Variants in PDE4D observed in about 807,000 individuals in gnomAD.
PDE4D encodes 3',5'-cyclic-AMP phosphodiesterase 4D.
Under a neutral mutation model 87.4 loss-of-function variants are expected in PDE4D, and 24 were observed. The observed-to-expected ratio is 0.27, with a 90% confidence interval of 0.20 to 0.39. PDE4D has a LOEUF of 0.39. PDE4D is among the 10% of genes least tolerant of loss of function. The probability of loss-of-function intolerance (pLI) is 1.00; values close to 1 mark genes in which losing one functional copy is unlikely to be tolerated. For missense variants in PDE4D, 714 were observed against 1,041.0 expected (o/e 0.69, Z 4.32); for synonymous variants, 384 against 383.2 (o/e 1.00, Z -0.02).
intron 6 of PDE4D, among the ~76,000 whole-genome samples, chr5:59,036,217 C>T (rs1047964049): frequency 1.3e-5 from 2 of 152,200 alleles, no homozygotes; most frequent in African/African-American, 2.4e-5. Context: ...TCTCTATCAC[C>T]ATTTAAAAAT....
chr5:59,003,799 G>C (rs988374322), intron 6 of PDE4D, among the ~76,000 whole-genome samples: 4 of 152,108 alleles, frequency 2.6e-5, no homozygotes, highest in African/African-American at 9.7e-5. Context: ...TGCGGGGTGA[G>C]AGGTAGGGTA....
At chr5:60,010,963 T>A (rs1005602290) in intron 2 of PDE4D, among the ~76,000 whole-genome samples, 16 of 152,262 alleles carry the variant, frequency 1.1e-4, no homozygotes, top group African/African-American at 3.8e-4. Flanking sequence ...ATATGTGAGA[T>A]GAAAATGAAT....
rs78377797 is a variant in PDE4D at position 60,473,722 on chromosome 5, G to A, written c.-90+14220C>T. Among the ~76,000 whole-genome samples, 53 of 151,906 alleles carry A rather than the reference G, an allele frequency of 3.5e-4. No individual in the cohort carries two copies. The East Asian group carries it at 1.0e-2, about 29-fold the overall frequency. On this transcript the variant is annotated intron_variant, in intron 1 of 16. Coordinates refer to the PDE4D transcript ENST00000502484. ...ATGGCTCCCCATGCCAACCCAAAAA[G>A]TCCAAAGAGCTCATCTGGCATGCAA...
chr5:59,350,501 T>C (rs1407855215), intron 1 of PDE4D, among the ~76,000 whole-genome samples: 1 of 152,098 alleles, frequency 6.6e-6, no homozygotes, highest in African/African-American at 2.4e-5. Flanking sequence ...CCTCTTCCCA[T>C]GAATGTGGCA....
At chr5:60,415,382 C>G (rs1178973712) in intron 1 of PDE4D, among the ~76,000 whole-genome samples, 1 of 152,274 alleles carries the variant, frequency 6.6e-6, no homozygotes, top group Non-Finnish European at 1.5e-5. Context: ...CAGCCCTCCC[C>G]TGCACTGTGG....
At chr5:59,075,232 G>T (rs1765496009) in intron 5 of PDE4D, among the ~76,000 whole-genome samples, 1 of 151,990 alleles carries the variant, frequency 6.6e-6, no homozygotes, top group South Asian at 2.1e-4. Flanking sequence ...AAAAAGAAAA[G>T]AAATTGTGTG....
chr5:60,442,223 A>T (rs559022442), intron 1 of PDE4D, among the ~76,000 whole-genome samples: 53 of 152,284 alleles, frequency 3.5e-4, no homozygotes, highest in Middle Eastern at 6.8e-3. Context: ...GGATAAAGAA[A>T]ATGTGGCACA....
chr5:60,125,787 A>T (rs1019043806), intron 2 of PDE4D, among the ~76,000 whole-genome samples: 1 of 152,350 alleles, frequency 6.6e-6, no homozygotes, highest in South Asian at 2.1e-4. Flanking sequence ...TTAAGGAATC[A>T]TCTAGTTTAT....
At chr5:59,355,775 G>A (rs987742945) in intron 1 of PDE4D, among the ~76,000 whole-genome samples, 4 of 151,844 alleles carry the variant, frequency 2.6e-5, no homozygotes, top group Non-Finnish European at 5.9e-5. Context: ...AAATTCCAAG[G>A]ACATTATCTT....
At chr5:60,300,168 A>T (rs921975940) in intron 1 of PDE4D, among the ~76,000 whole-genome samples, 2 of 151,968 alleles carry the variant, frequency 1.3e-5, no homozygotes, top group African/African-American at 4.8e-5. Context: ...GCTTTTTTTC[A>T]GATGCTTGTT....
At chr5:59,516,833 T>A (rs1384286509) in intron 1 of PDE4D, among the ~76,000 whole-genome samples, 1 of 152,026 alleles carries the variant, frequency 6.6e-6, no homozygotes, top group Non-Finnish European at 1.5e-5. Flanking sequence ...TGACAAAAAA[T>A]TTGTCTTTCA....
chr5:59,883,531 C>G (rs898047195), intron 1 of PDE4D, among the ~76,000 whole-genome samples: 2 of 152,096 alleles, frequency 1.3e-5, no homozygotes, highest in Admixed American at 6.5e-5. Flanking sequence ...AAGAATCAGT[C>G]ACAGTTATAA....
At chr5:60,385,757 C>A (rs1408021098) in intron 1 of PDE4D, among the ~76,000 whole-genome samples, 1 of 152,164 alleles carries the variant, frequency 6.6e-6, no homozygotes, top group Non-Finnish European at 1.5e-5. Context: ...ACTTACTACT[C>A]CCCCTTCTCA....
intron 1 of PDE4D, among the ~76,000 whole-genome samples, chr5:60,503,393 G>C (rs1177373108): frequency 1.3e-5 from 2 of 152,232 alleles, no homozygotes; most frequent in South Asian, 2.1e-4. Flanking sequence ...GCCAACAACT[G>C]TTCCAAGTTA....
At chr5:60,104,077 G>T (rs851283) in intron 2 of PDE4D, among the ~76,000 whole-genome samples, 43,122 of 152,068 alleles carry the variant, frequency 0.28, 6,985 homozygotes, top group East Asian at 0.74. Flanking sequence ...CTTGGGAAGC[G>T]CAAGGGGTCA....
At chr5:59,564,914 C>T (rs768105120) in intron 1 of PDE4D, among the ~76,000 whole-genome samples, 1 of 152,144 alleles carries the variant, frequency 6.6e-6, no homozygotes, top group Non-Finnish European at 1.5e-5. Context: ...AGAGACAAGC[C>T]TTCTGATGGG....
chr5:59,180,406 G>T (rs11749543), intron 5 of PDE4D, 189 bp downstream of exon 5: 2 of 712,932 alleles, frequency 2.8e-6, no homozygotes, highest in African/African-American at 1.7e-5. Context: ...AACGTAAATC[G>T]GTAAAAATGT....
intron 1 of PDE4D, among the ~76,000 whole-genome samples, chr5:59,572,994 TATC>T (rs1822137337): frequency 6.6e-6 from 1 of 152,200 alleles, no homozygotes; most frequent in African/African-American, 2.4e-5. Context: ...CTGATCTTAG[TATC>T]ATAAGTGGTG....
intron 1 of PDE4D, among the ~76,000 whole-genome samples, chr5:60,415,517 G>T (rs142781521): frequency 6.6e-6 from 1 of 152,240 alleles, no homozygotes; most frequent in African/African-American, 2.4e-5. Context: ...TGCGAGTTCC[G>T]GTGGGCGTGG....
Sources: allele counts gnomAD v4.1 joint callset (sites outside exome capture counted in the v4.1 genomes callset), GRCh38; gene constraint gnomAD v4.1.1; transcripts MANE v1.5; gene names NCBI Gene and HGNC (gene_info 2026-07-23, HGNC 2026-07-21).